SLC35F1: variants seen among roughly 807,000 people sequenced by gnomAD.
The protein encoded by SLC35F1 is solute carrier family 35 member F1, also known as chromosome 6 open reading frame 169.
SLC35F1 carries 14 observed loss-of-function variants against 48.7 expected under a neutral mutation model. The observed-to-expected ratio is 0.29, with a 90% CI of 0.19 to 0.45. SLC35F1 has a LOEUF of 0.45. Among genes scored for constraint, SLC35F1 ranks in the 20% least tolerant of loss-of-function variants. The pLI, the probability that SLC35F1 is intolerant of heterozygous loss-of-function variation, is 1.00. For missense variants in SLC35F1, 404 were observed against 500.0 expected, an observed-to-expected ratio of 0.81 and a Z score of 1.83; for synonymous variants, 190 against 202.2, an observed-to-expected ratio of 0.94 and a Z score of 0.51.
intron 1 of SLC35F1, among the ~76,000 whole-genome samples, chr6:118,028,469 T>C (rs1771989606): frequency 6.6e-6 from 1 of 152,090 alleles, no homozygotes; most frequent in African/African-American, 2.4e-5. Flanking sequence ...TCATATACTT[T>C]GAAAGGTGTA....
chr6:118,296,543 T>C (rs750049390), intron 7 of SLC35F1, among the ~76,000 whole-genome samples: 2 of 152,148 alleles, frequency 1.3e-5, no homozygotes, highest in African/African-American at 2.4e-5. Flanking sequence ...TTCCCAGGAA[T>C]ATGAGAAGGA....
intron 1 of SLC35F1, among the ~76,000 whole-genome samples, chr6:117,939,204 G>T (rs1334850917): frequency 5.9e-5 from 9 of 152,034 alleles, no homozygotes; most frequent in African/African-American, 2.2e-4. Flanking sequence ...TAGAGACAGG[G>T]TCTCACTGTC....
chr6:118,118,941 C>CTTTTTT (rs35921856), intron 1 of SLC35F1, among the ~76,000 whole-genome samples: 1 of 143,736 alleles, frequency 7.0e-6, no homozygotes. Context: ...TGCTTGTTTG[C>CTTTTTT]TTTTTTTTTT....
chr6:118,246,053 C>T (rs937910278), intron 3 of SLC35F1, among the ~76,000 whole-genome samples: 6 of 152,166 alleles, frequency 3.9e-5, no homozygotes, highest in African/African-American at 1.4e-4. Context: ...TTCCTCATCT[C>T]CCATCCTCCT....
At chr6:117,973,198 T>C (rs970126420) in intron 1 of SLC35F1, among the ~76,000 whole-genome samples, 2 of 152,188 alleles carry the variant, frequency 1.3e-5, no homozygotes, top group African/African-American at 4.8e-5. Context: ...CATGGCTTTT[T>C]CTCTGTACCT....
chr6:118,132,568 T>C (rs74875745), intron 1 of SLC35F1, among the ~76,000 whole-genome samples: 2 of 152,330 alleles, frequency 1.3e-5, no homozygotes, highest in East Asian at 3.9e-4. Flanking sequence ...GCCTTTAGAG[T>C]GCATGGCACA....
At chr6:118,142,958 C>G (rs1390960755) in intron 1 of SLC35F1, among the ~76,000 whole-genome samples, 1 of 152,048 alleles carries the variant, frequency 6.6e-6, no homozygotes, top group Non-Finnish European at 1.5e-5. Context: ...CTTATTTATC[C>G]AGGTTCTCTG....
intron 3 of SLC35F1, among the ~76,000 whole-genome samples, chr6:118,266,128 T>C (rs1047253795): frequency 1.3e-5 from 2 of 152,316 alleles, no homozygotes; most frequent in East Asian, 3.9e-4. Context: ...TTGAGGCTCC[T>C]GAGCTTGTGA....
intron 1 of SLC35F1, among the ~76,000 whole-genome samples, chr6:117,989,110 T>C (rs1252105850): frequency 6.6e-6 from 1 of 152,162 alleles, no homozygotes; most frequent in East Asian, 1.9e-4. Context: ...TGACTTCTCA[T>C]AGGTCACCTC....
chr6:118,115,189 C>T (rs986472261), intron 1 of SLC35F1, among the ~76,000 whole-genome samples: 1 of 152,124 alleles, frequency 6.6e-6, no homozygotes, highest in Non-Finnish European at 1.5e-5. Flanking sequence ...AAGACTGATT[C>T]ATGCTTGGTG....
intron 2 of SLC35F1, 143 bp downstream of exon 2, chr6:118,154,763 A>G: frequency 1.4e-6 from 1 of 722,818 alleles, no homozygotes; most frequent in East Asian, 2.8e-5. Context: ...TTGCAGTAAT[A>G]CAGTAAACAA....
intron 2 of SLC35F1, among the ~76,000 whole-genome samples, chr6:118,195,925 C>T (rs1191387848): frequency 6.6e-6 from 1 of 152,142 alleles, no homozygotes; most frequent in Non-Finnish European, 1.5e-5. Flanking sequence ...AGCTCTACTT[C>T]GGACCCTGCT....
intron 2 of SLC35F1, among the ~76,000 whole-genome samples, chr6:118,224,113 C>T (rs1349337559): frequency 6.6e-6 from 1 of 152,182 alleles, no homozygotes; most frequent in East Asian, 1.9e-4. Context: ...ACATTTTCCC[C>T]TCAGCAGGCT....
At chr6:118,052,356 G>A (rs1024014689) in intron 1 of SLC35F1, among the ~76,000 whole-genome samples, 3 of 152,130 alleles carry the variant, frequency 2.0e-5, no homozygotes, top group South Asian at 2.1e-4. Context: ...AGAAAGTGAA[G>A]CAATCTTTGA....
intron 2 of SLC35F1, among the ~76,000 whole-genome samples, chr6:118,169,250 A>T (rs374059677): frequency 6.6e-6 from 1 of 152,176 alleles, no homozygotes; most frequent in East Asian, 1.9e-4. Flanking sequence ...ATTGTGTCCT[A>T]TTAATCTTAT....
chr6:117,916,822 A>C (rs1364681669), intron 1 of SLC35F1, among the ~76,000 whole-genome samples: 1 of 132,778 alleles, frequency 7.5e-6, no homozygotes, highest in African/African-American at 2.4e-5. Flanking sequence ...CCACTGATAC[A>C]GCTTCACCTC....
chr6:117,949,597 C>G (rs1350708581), intron 1 of SLC35F1, among the ~76,000 whole-genome samples: 4 of 152,158 alleles, frequency 2.6e-5, no homozygotes, highest in Non-Finnish European at 4.4e-5. Context: ...AGCCTCCATC[C>G]TTTAACACCA....
rs543129911 is a variant in SLC35F1, at chr6:118,183,374, G to A, written c.349+28754G>A. ...CATTTTTCTTGGTGCTAAGACATGC[G>A]TGGAAGAGAAAGAAATAATGACGAG... On this transcript the variant is annotated intron_variant, in intron 2 of 7. Transcript: ENST00000360388. Among the ~76,000 whole-genome samples the A allele has an allele frequency of 8.5e-5, 13 of 152,174 alleles. No individual in the cohort carries two copies. The East Asian group carries it at 1.7e-3, about 20-fold the overall frequency.
intron 7 of SLC35F1, among the ~76,000 whole-genome samples, chr6:118,293,586 G>GA (rs1776150185): frequency 6.6e-6 from 1 of 152,096 alleles, no homozygotes; most frequent in African/African-American, 2.4e-5. Context: ...ATCTTTGGGG[G>GA]ATTATCATTT....
Sources: allele counts gnomAD v4.1 joint callset (sites outside exome capture counted in the v4.1 genomes callset), GRCh38; gene constraint gnomAD v4.1.1; transcripts MANE v1.5; gene names NCBI Gene and HGNC (gene_info 2026-07-23, HGNC 2026-07-21).